Variants in NCOA1 observed in about 807,000 individuals in gnomAD.
NCOA1 encodes the protein Hin-2 protein.
In NCOA1, 35 loss-of-function variants were observed where a neutral mutation model predicts 150.9. The ratio of observed to expected loss-of-function variants is 0.23; its 90% CI spans 0.18 to 0.31. The LOEUF (loss-of-function observed/expected upper bound fraction) is 0.31. Among genes scored for constraint, NCOA1 ranks in the 10% least tolerant of loss-of-function variants. The pLI is 1.00. For synonymous variants in NCOA1, 590 were observed against 630.0 expected (o/e 0.94, Z 0.95); for missense variants, 1,491 against 1,749.3 (o/e 0.85, Z 2.63).
At chr2:24,726,546 C>G (rs1490221535) in intron 14 of NCOA1, 43 bp from the exon 15 acceptor site, 13 of 1,217,004 alleles carry the variant, frequency 1.1e-5, no homozygotes, top group Non-Finnish European at 1.5e-5. Context: ...TCATTTTATC[C>G]TCCACTGAGA....
chr2:24,620,939 G>A (rs1186665347), intron 3 of NCOA1, among the ~76,000 whole-genome samples: 4 of 152,146 alleles, frequency 2.6e-5, no homozygotes, highest in African/African-American at 9.7e-5. Context: ...ATTAGGGTAA[G>A]TATCTTTCTG....
chr2:24,630,484 A>G (rs899533141), intron 3 of NCOA1, among the ~76,000 whole-genome samples: 5 of 152,170 alleles, frequency 3.3e-5, no homozygotes, highest in African/African-American at 1.2e-4. Context: ...AACTTTCTTC[A>G]TATATCTTGT....
chr2:24,759,832 A>G (rs545568556), intron 21 of NCOA1, among the ~76,000 whole-genome samples: 5 of 152,122 alleles, frequency 3.3e-5, no homozygotes, highest in Non-Finnish European at 7.4e-5. Flanking sequence ...ACCTCATTAC[A>G]ATTTATTTCT....
chr2:24,625,081 C>T (rs1395990384), intron 3 of NCOA1, among the ~76,000 whole-genome samples: 7 of 151,976 alleles, frequency 4.6e-5, no homozygotes, highest in African/African-American at 1.2e-4. Flanking sequence ...TCTTGTCTCA[C>T]GGTAAGAAAC....
At chr2:24,650,781 A>G (rs1481301436) in intron 4 of NCOA1, among the ~76,000 whole-genome samples, 1 of 152,170 alleles carries the variant, frequency 6.6e-6, no homozygotes, top group Non-Finnish European at 1.5e-5. Flanking sequence ...TCTACCAGCT[A>G]TTAGGATAGC....
chr2:24,592,930 CCTT>C (rs1184536833), intron 3 of NCOA1, among the ~76,000 whole-genome samples: 1 of 152,094 alleles, frequency 6.6e-6, no homozygotes, highest in East Asian at 1.9e-4. Flanking sequence ...GTCTCTGTCC[CCTT>C]CTTTTTTTGT....
At chr2:24,700,823 C>T (rs947940795) in intron 11 of NCOA1, among the ~76,000 whole-genome samples, 4 of 152,156 alleles carry the variant, frequency 2.6e-5, no homozygotes, top group Non-Finnish European at 4.4e-5. Flanking sequence ...CCCCGGACTA[C>T]TGAATCAGAG....
At chr2:24,530,702 C>T (rs1664845976) in intron 1 of NCOA1, among the ~76,000 whole-genome samples, 2 of 152,192 alleles carry the variant, frequency 1.3e-5, no homozygotes, top group African/African-American at 4.8e-5. Flanking sequence ...CCAGAGTCCA[C>T]ATAACACTTA....
At chr2:24,753,267 T>C (rs1396952531) in intron 20 of NCOA1, among the ~76,000 whole-genome samples, 5 of 152,040 alleles carry the variant, frequency 3.3e-5, no homozygotes, top group Admixed American at 3.3e-4. Context: ...CCCTTGCCTA[T>C]CTCTCCCTCT....
intron 1 of NCOA1, among the ~76,000 whole-genome samples, chr2:24,506,304 A>C (rs1458622631): frequency 6.6e-6 from 1 of 151,964 alleles, no homozygotes; most frequent in Non-Finnish European, 1.5e-5. Context: ...TGACTTTTGA[A>C]ACTGATAGTT....
chr2:24,541,868 C>T (rs1329471625), intron 1 of NCOA1, among the ~76,000 whole-genome samples: 1 of 152,122 alleles, frequency 6.6e-6, no homozygotes, highest in Non-Finnish European at 1.5e-5. Context: ...AGTTATGACA[C>T]TGCATCAGAC....
intron 8 of NCOA1, among the ~76,000 whole-genome samples, chr2:24,687,025 C>T (rs993439559): frequency 1.3e-5 from 2 of 151,988 alleles, no homozygotes; most frequent in East Asian, 1.9e-4. Context: ...TTCAAGGAAG[C>T]GCCTTTCTCC....
intron 1 of NCOA1, among the ~76,000 whole-genome samples, chr2:24,542,406 A>G (rs1240610096): frequency 5.9e-5 from 9 of 152,226 alleles, no homozygotes; most frequent in Non-Finnish European, 2.9e-5. Context: ...TTAATGAAAA[A>G]TGCTGGATCA....
chr2:24,638,290 C>A (rs568284932), intron 3 of NCOA1, among the ~76,000 whole-genome samples: 1 of 148,348 alleles, frequency 6.7e-6, no homozygotes, highest in Non-Finnish European at 1.5e-5. Context: ...GTTCCAGTCA[C>A]ATTGCCATGA....
chr2:24,678,133 C>A (rs1397246416), intron 7 of NCOA1, among the ~76,000 whole-genome samples: 1 of 152,146 alleles, frequency 6.6e-6, no homozygotes. Flanking sequence ...TGAGAACATG[C>A]AGCATTTGGT....
intron 3 of NCOA1, among the ~76,000 whole-genome samples, chr2:24,597,834 T>C (rs778704458): frequency 5.9e-5 from 9 of 152,212 alleles, no homozygotes; most frequent in Non-Finnish European, 1.0e-4. Context: ...AACGTGCATG[T>C]TTGTTACATA....
chr2:24,575,136 G>T (rs963524441), intron 2 of NCOA1, among the ~76,000 whole-genome samples: 8 of 151,722 alleles, frequency 5.3e-5, no homozygotes, highest in Non-Finnish European at 1.2e-4. Context: ...TAGCTTGTTT[G>T]TGTGTTGCTG....
intron 1 of NCOA1, among the ~76,000 whole-genome samples, chr2:24,493,592 GTTT>G (rs1285535846): frequency 6.7e-6 from 1 of 149,680 alleles, no homozygotes; most frequent in African/African-American, 2.4e-5. Flanking sequence ...ATCTGCAGTG[GTTT>G]TATTGGAAAA....
At position 24,707,140 on chromosome 2, in the gene NCOA1, G is replaced by C. The variant is rs772308327; in HGVS notation, c.1670G>C (p.Ser557Thr). ...AATAACTCCGTTGGCTTCTCTGCCA[G>C]TTCTCCAGTCCTCAGGCAGATGAGC... ...GPNNSVGFSA[S>T]SPVLRQMSSQ... is the part of the protein sequence containing the mutation. The change falls in exon 13 of 23, where the codon AGT (serine) becomes ACT (threonine). Residue 557 changes from serine (S) to threonine (T), a missense_variant. Ser to Thr is a moderately conservative substitution (Grantham distance 58). Coordinates refer to ENST00000348332, the MANE Select transcript of NCOA1 (RefSeq NM_003743.5). The C allele has an allele frequency of 7.4e-5, 120 of 1,614,088 alleles. No individual in the cohort carries two copies. The highest frequency in any genetic ancestry group is 1.0e-4 in the Non-Finnish European group (118 of 1,180,044).
Sources: allele counts gnomAD v4.1 joint callset (sites outside exome capture counted in the v4.1 genomes callset), GRCh38; gene constraint gnomAD v4.1.1; transcripts MANE v1.5; gene names NCBI Gene and HGNC (gene_info 2026-07-23, HGNC 2026-07-21).